Variants in NTN1 observed in about 807,000 individuals in gnomAD.
The protein encoded by NTN1 is netrin 1.
A neutral mutation model predicts 54.2 loss-of-function variants in NTN1; 11 were observed. The observed-to-expected ratio is 0.20, with a 90% CI of 0.13 to 0.34. The LOEUF (loss-of-function observed/expected upper bound fraction) is 0.34, where lower values mean the gene tolerates loss of function less well. NTN1 is among the 10% of genes least tolerant of loss of function. NTN1 has a pLI of 1.00. For synonymous variants in NTN1, 371 were observed against 382.0 expected (o/e 0.97, Z 0.33); for missense variants, 740 against 893.1 (o/e 0.83, Z 2.18).
intron 5 of NTN1, among the ~76,000 whole-genome samples, chr17:9,202,871 T>A (rs1904840917): frequency 6.6e-6 from 1 of 152,222 alleles, no homozygotes; most frequent in South Asian, 2.1e-4. Flanking sequence ...GATATTGCGA[T>A]ATTCTGCGTC....
At chr17:9,064,063 T>C (rs7222847) in intron 2 of NTN1, among the ~76,000 whole-genome samples, 24,838 of 152,140 alleles carry the variant, frequency 0.16, 2,251 homozygotes, top group African/African-American at 0.21. Context: ...TGGGTAGTTG[T>C]AGTTTATTGC....
intron 5 of NTN1, among the ~76,000 whole-genome samples, chr17:9,191,658 A>G (rs1904460798): frequency 6.6e-6 from 1 of 152,184 alleles, no homozygotes; most frequent in Admixed American, 6.5e-5. Flanking sequence ...AAATTTAGAG[A>G]ATTTGTACAA....
At chr17:9,208,121 A>G (rs1188891099) in intron 5 of NTN1, among the ~76,000 whole-genome samples, 1 of 152,150 alleles carries the variant, frequency 6.6e-6, no homozygotes, top group Non-Finnish European at 1.5e-5. Flanking sequence ...AATCCCAGCT[A>G]CTCGGGAGGC....
chr17:9,016,509 G>C, the NTN1 span, among the ~76,000 whole-genome samples: 1 of 152,150 alleles, frequency 6.6e-6, no homozygotes, highest in Non-Finnish European at 1.5e-5. Context: ...CCTGTGATAA[G>C]GGAATTTTTC....
At chr17:9,062,472 C>T (rs2092001864) in intron 2 of NTN1, among the ~76,000 whole-genome samples, 1 of 152,154 alleles carries the variant, frequency 6.6e-6, no homozygotes, top group Non-Finnish European at 1.5e-5. Flanking sequence ...ACCTCCCATC[C>T]AGTATTCTCA....
intron 3 of NTN1, 68 bp from the exon 4 acceptor site, chr17:9,179,739 G>A (rs1271461513): frequency 1.3e-5 from 20 of 1,549,892 alleles, no homozygotes; most frequent in African/African-American, 6.8e-5. Flanking sequence ...CCTGGGTAGG[G>A]AAGGCTCTGC....
intron 5 of NTN1, among the ~76,000 whole-genome samples, chr17:9,196,493 G>GCTCTCT (rs1229012284): frequency 6.6e-6 from 1 of 152,194 alleles, no homozygotes; most frequent in Non-Finnish European, 1.5e-5. Flanking sequence ...TTTCCTCTCG[G>GCTCTCT]CAGCTCTCTC....
intron 2 of NTN1, among the ~76,000 whole-genome samples, chr17:9,139,297 G>A (rs1240992315): frequency 6.6e-6 from 1 of 152,150 alleles, no homozygotes; most frequent in African/African-American, 2.4e-5. Flanking sequence ...GGTACCGGAG[G>A]GCCAGGCCTG....
the NTN1 span, among the ~76,000 whole-genome samples, chr17:9,012,033 A>C: frequency 6.6e-6 from 1 of 152,214 alleles, no homozygotes; most frequent in African/African-American, 2.4e-5. Flanking sequence ...AGGGAAAAGA[A>C]TAGTTCCTTC....
chr17:9,228,212 G>A (rs943672381), intron 6 of NTN1, among the ~76,000 whole-genome samples: 1 of 152,236 alleles, frequency 6.6e-6, no homozygotes, highest in Non-Finnish European at 1.5e-5. Flanking sequence ...GAGGGGGCAA[G>A]GGTGGGAAGG....
intron 2 of NTN1, among the ~76,000 whole-genome samples, chr17:9,077,477 C>T (rs1042018842): frequency 3.3e-5 from 5 of 152,306 alleles, no homozygotes; most frequent in South Asian, 2.1e-4. Context: ...CCATTCATGT[C>T]GCTTTTCTGA....
intron 6 of NTN1, among the ~76,000 whole-genome samples, chr17:9,229,054 CTA>C (rs1343736364): frequency 3.4e-5 from 5 of 149,092 alleles, no homozygotes; most frequent in African/African-American, 5.0e-5. Context: ...GGCTGTGTGA[CTA>C]TGCGTGTGTG....
intron 2 of NTN1, among the ~76,000 whole-genome samples, chr17:9,113,369 T>G (rs2092199107): frequency 6.6e-6 from 1 of 152,046 alleles, no homozygotes; most frequent in African/African-American, 2.4e-5. Flanking sequence ...AAAGGGTACA[T>G]ACTGACCAGT....
the NTN1 span, among the ~76,000 whole-genome samples, chr17:9,012,541 A>C: frequency 3.3e-3 from 256 of 77,382 alleles, no homozygotes; most frequent in Admixed American, 6.8e-3. Context: ...CAAAACAAAA[A>C]AAAAAAAACA....
chr17:9,048,195 T>A (rs1018258493), intron 2 of NTN1, among the ~76,000 whole-genome samples: 1 of 152,252 alleles, frequency 6.6e-6, no homozygotes, highest in African/African-American at 2.4e-5. Context: ...GTCCATGGGC[T>A]GCAGAATGGA....
At chr17:9,198,597 G>A (rs1457941213) in intron 5 of NTN1, among the ~76,000 whole-genome samples, 1 of 152,162 alleles carries the variant, frequency 6.6e-6, no homozygotes, top group Non-Finnish European at 1.5e-5. Context: ...GCCCTACACT[G>A]TAGAAAAACC....
chr17:9,231,429 T>C (rs1905807603), intron 6 of NTN1, among the ~76,000 whole-genome samples: 1 of 152,192 alleles, frequency 6.6e-6, no homozygotes, highest in Non-Finnish European at 1.5e-5. Flanking sequence ...AGGTCTCAGC[T>C]CCTTCCTTCA....
At chr17:9,088,638 C>T (rs566447035) in intron 2 of NTN1, among the ~76,000 whole-genome samples, 1 of 152,260 alleles carries the variant, frequency 6.6e-6, no homozygotes, top group South Asian at 2.1e-4. Flanking sequence ...GACCCGGAAG[C>T]CTGGAACACG....
intron 2 of NTN1, among the ~76,000 whole-genome samples, chr17:9,127,414 G>A (rs749395069): frequency 4.6e-5 from 7 of 152,290 alleles, no homozygotes; most frequent in Non-Finnish European, 7.4e-5. Flanking sequence ...TTGTGTGACT[G>A]AGGAGCTTGG....
Sources: gnomAD v4.1 joint callset for allele counts (sites outside exome capture counted in the v4.1 genomes callset) on GRCh38, gnomAD v4.1.1 for gene constraint, MANE v1.5 for transcripts, NCBI Gene and HGNC (gene_info 2026-07-23, HGNC 2026-07-21) for gene names.